Variants in NRF1 observed in about 807,000 individuals in gnomAD.
The protein encoded by NRF1 is alpha palindromic-binding protein.
Under a neutral mutation model 58.5 loss-of-function variants are expected in NRF1, and 5 were observed. The observed-to-expected ratio is 0.09, with a 90% CI of 0.04 to 0.18. The LOEUF (loss-of-function observed/expected upper bound fraction) is 0.18, where lower values mean the gene tolerates loss of function less well. Ranked by LOEUF, NRF1 falls within the 10% of genes least tolerant of loss-of-function variation. The pLI is 1.00. For synonymous variants in NRF1, 224 were observed against 246.7 expected, an observed-to-expected ratio of 0.91 and a Z score of 0.86; for missense variants, 288 against 657.7, an observed-to-expected ratio of 0.44 and a Z score of 6.15.
chr7:129,745,361 G>A (rs1205907519), intron 10 of NRF1, among the ~76,000 whole-genome samples: 6 of 152,152 alleles, frequency 3.9e-5, no homozygotes, highest in Non-Finnish European at 1.5e-5. Flanking sequence ...CACGGCAGGA[G>A]GTGGGTGGCA....
intron 1 of NRF1, among the ~76,000 whole-genome samples, chr7:129,648,762 C>T (rs975381384): frequency 6.6e-6 from 1 of 152,080 alleles, no homozygotes; most frequent in African/African-American, 2.4e-5. Context: ...CCTTTCTGTC[C>T]CTCTCCCGCC....
Position 129,690,254 on chromosome 7 carries a change from C to A in NRF1, c.466-152C>A. The A allele has an allele frequency of 6.1e-6, 4 of 656,542 alleles. No individual in the cohort carries two copies. In the South Asian group the frequency reaches 9.0e-5, roughly 15 times the overall value. 40.7% of individuals were successfully genotyped at this position (656,542 alleles called of 1,614,324 possible). A position where few individuals can be genotyped will look rare whatever the true frequency, so the allele number is the denominator to read the frequency against. ...ATGTTCAGTATGATGTCTTTGGGAC[C>A]AGTGGGTATTTTTATTTGCTTGTAG... On this transcript the variant is annotated intron_variant, in intron 4 of 10. Coordinates refer to ENST00000393232, the MANE Select transcript of NRF1 (RefSeq NM_005011.5).
At chr7:129,678,761 C>G (rs1216367003) in intron 4 of NRF1, among the ~76,000 whole-genome samples, 2 of 152,076 alleles carry the variant, frequency 1.3e-5, no homozygotes, top group Non-Finnish European at 2.9e-5. Flanking sequence ...TAAAACAATA[C>G]TACTACTGGT....
At chr7:129,614,791 G>C (rs1329618730) in intron 1 of NRF1, among the ~76,000 whole-genome samples, 2 of 152,096 alleles carry the variant, frequency 1.3e-5, no homozygotes, top group Non-Finnish European at 2.9e-5. Context: ...TAGGTTTTTT[G>C]TTTTATTAAA....
At chr7:129,640,024 A>G (rs182765576) in intron 1 of NRF1, among the ~76,000 whole-genome samples, 2 of 152,324 alleles carry the variant, frequency 1.3e-5, no homozygotes, top group Admixed American at 6.5e-5. Context: ...TATAAACTGC[A>G]TTTATTCCTG....
At chr7:129,721,304 T>A (rs1389678230) in intron 9 of NRF1, among the ~76,000 whole-genome samples, 2 of 152,152 alleles carry the variant, frequency 1.3e-5, no homozygotes, top group African/African-American at 4.8e-5. Flanking sequence ...TAGTATATTG[T>A]TAACACTGAG....
chr7:129,752,692 A>C (rs1317853018), intron 10 of NRF1, among the ~76,000 whole-genome samples: 1 of 152,152 alleles, frequency 6.6e-6, no homozygotes, highest in African/African-American at 2.4e-5. Context: ...TCACTATTTA[A>C]AAAAATAAAA....
chr7:129,753,884 G>A (rs1804182384), intron 10 of NRF1, among the ~76,000 whole-genome samples: 1 of 152,320 alleles, frequency 6.6e-6, no homozygotes, highest in Non-Finnish European at 1.5e-5. Flanking sequence ...GTGGCCAGAA[G>A]ACAGGATAGG....
intron 2 of NRF1, among the ~76,000 whole-genome samples, chr7:129,664,167 G>A (rs1801869249): frequency 6.6e-6 from 1 of 151,976 alleles, no homozygotes; most frequent in Admixed American, 6.6e-5. Context: ...GGAGAGGGTA[G>A]GGGAGAGGGA....
In NRF1 at chr7:129,717,329, T is replaced by C; in HGVS notation, c.1176T>C (p.Ala392=). 1 of 1,614,010 alleles carries C rather than the reference T, an allele frequency of 6.2e-7. No homozygotes were observed. Among genetic ancestry groups the C allele is most frequent in the Non-Finnish European group, 8.5e-7 (1 of 1,179,972 alleles). ...CGTTGGCAGAGGCCGCAGTGGCAGCTTCTCAGGAGATGCAGCAGGGAGCTA... is the reference window on the plus strand; with the variant it reads ...CGTTGGCAGAGGCCGCAGTGGCAGCCTCTCAGGAGATGCAGCAGGGAGCTA... ...VASLAEAAVA[A]SQEMQQGATV... The change falls in exon 9 of 11, where the codon GCT becomes GCC. Residue 392 remains alanine (A), a synonymous_variant. Transcript: ENST00000393232.
intron 10 of NRF1, among the ~76,000 whole-genome samples, chr7:129,746,015 G>T (rs1245314205): frequency 1.3e-5 from 2 of 152,160 alleles, no homozygotes; most frequent in African/African-American, 4.8e-5. Context: ...TCTTGAGATG[G>T]TCCAGCAAGA....
At chr7:129,716,182 A>G (rs1803184602) in intron 8 of NRF1, among the ~76,000 whole-genome samples, 1 of 152,088 alleles carries the variant, frequency 6.6e-6, no homozygotes, top group Non-Finnish European at 1.5e-5. Context: ...GAGGGAGTAG[A>G]AAGGGGAAAT....
intron 1 of NRF1, among the ~76,000 whole-genome samples, chr7:129,649,444 T>C (rs984300570): frequency 3.3e-5 from 5 of 152,216 alleles, no homozygotes; most frequent in Non-Finnish European, 5.9e-5. Context: ...TAGTTACACT[T>C]TGATTAGATT....
At chr7:129,752,918 A>G (rs538464456) in intron 10 of NRF1, among the ~76,000 whole-genome samples, 54 of 152,244 alleles carry the variant, frequency 3.5e-4, no homozygotes, top group African/African-American at 1.2e-3. Context: ...TCAGGCCTGC[A>G]TTGCAAGTGT....
intron 4 of NRF1, among the ~76,000 whole-genome samples, chr7:129,679,567 A>G (rs577187564): frequency 6.6e-6 from 1 of 151,900 alleles, no homozygotes; most frequent in African/African-American, 2.4e-5. Context: ...TAAAAATACA[A>G]AAAAACTTAG....
At chr7:129,636,619 TA>T (rs1026886822) in intron 1 of NRF1, among the ~76,000 whole-genome samples, 2 of 152,224 alleles carry the variant, frequency 1.3e-5, no homozygotes, top group African/African-American at 4.8e-5. Context: ...CTTGTTAGAT[TA>T]TGCTCACTAA....
chr7:129,674,324 G>T (rs1802125643), intron 3 of NRF1, among the ~76,000 whole-genome samples: 2 of 151,606 alleles, frequency 1.3e-5, no homozygotes, highest in South Asian at 4.1e-4. Flanking sequence ...ATAAGTCACA[G>T]AAATTTTTTG....
At chr7:129,659,019 A>G (rs1404059759) in intron 2 of NRF1, among the ~76,000 whole-genome samples, 3 of 151,986 alleles carry the variant, frequency 2.0e-5, no homozygotes, top group East Asian at 3.8e-4. Flanking sequence ...TCAAGATGCT[A>G]GAAACAATCT....
intron 1 of NRF1, among the ~76,000 whole-genome samples, chr7:129,647,331 A>T (rs1343952853): frequency 6.7e-6 from 1 of 149,814 alleles, no homozygotes; most frequent in Non-Finnish European, 1.5e-5. Context: ...CGCTTACAGT[A>T]TTTTCATAAA....
Sources: allele counts gnomAD v4.1 joint callset (sites outside exome capture counted in the v4.1 genomes callset), GRCh38; gene constraint gnomAD v4.1.1; transcripts MANE v1.5; gene names NCBI Gene and HGNC (gene_info 2026-07-23, HGNC 2026-07-21).